CKAP2L: variants seen among roughly 807,000 people sequenced by gnomAD.
CKAP2L encodes the protein cytoskeleton-associated protein 2-like.
Under a neutral mutation model 65.7 loss-of-function variants are expected in CKAP2L, and 42 were observed. That is an observed-to-expected ratio of 0.64 (90% confidence interval 0.50 to 0.83). The LOEUF is 0.83. Among genes scored for constraint, CKAP2L ranks in the 40% least tolerant of loss-of-function variants. The pLI, the probability that CKAP2L is intolerant of heterozygous loss-of-function variation, is 0.00. For synonymous variants in CKAP2L, 325 were observed against 313.5 expected, an observed-to-expected ratio of 1.04 and a Z score of -0.39; for missense variants, 908 against 871.0, an observed-to-expected ratio of 1.04 and a Z score of -0.53.
chr2:112,751,578 A>G (rs1392079302), intron 5 of CKAP2L, among the ~76,000 whole-genome samples: 2 of 152,242 alleles, frequency 1.3e-5, no homozygotes, highest in African/African-American at 4.8e-5. Context: ...ACAAGGAGAA[A>G]TAGTTAATAT....
At chr2:112,743,049 T>A (rs116695276) in intron 6 of CKAP2L, among the ~76,000 whole-genome samples, 1 of 152,212 alleles carries the variant, frequency 6.6e-6, no homozygotes, top group Non-Finnish European at 1.5e-5. Context: ...TATTTTCCTA[T>A]TGATTTGTAT....
chr2:112,756,222 A>T lies in CKAP2L; in HGVS notation c.1149T>A (p.Val383=). ...TTGGAATGGCTGAATTAAATCTGCCAACTGTCAAATTAGGCCTCTGGCTTA... is the reference window on the plus strand; with the variant it reads ...TTGGAATGGCTGAATTAAATCTGCCTACTGTCAAATTAGGCCTCTGGCTTA... ...KAISQRPNLT[V]GRFNSAIPST... The change falls in exon 4 of 9, where the codon GTT becomes GTA. Residue 383 remains valine (V), a synonymous_variant. Coordinates refer to ENST00000302450, the MANE Select transcript of CKAP2L (RefSeq NM_152515.5). The T allele has an allele frequency of 6.2e-7, 1 of 1,614,200 alleles. No homozygotes were observed. Among genetic ancestry groups the T allele is most frequent in the Non-Finnish European group, 8.5e-7 (1 of 1,180,032 alleles).
At chr2:112,745,569 G>T (rs536562801) in intron 6 of CKAP2L, among the ~76,000 whole-genome samples, 1 of 152,190 alleles carries the variant, frequency 6.6e-6, no homozygotes, top group South Asian at 2.1e-4. Flanking sequence ...TTTTAGTAGA[G>T]ATGGGGTTTC....
intron 6 of CKAP2L, among the ~76,000 whole-genome samples, chr2:112,743,388 C>T (rs1006122067): frequency 6.6e-5 from 10 of 152,044 alleles, no homozygotes; most frequent in Non-Finnish European, 1.3e-4. Flanking sequence ...GTGATCCACC[C>T]GCCTCGGCCT....
At chr2:112,745,109 C>T (rs1001861315) in intron 6 of CKAP2L, among the ~76,000 whole-genome samples, 8 of 151,958 alleles carry the variant, frequency 5.3e-5, no homozygotes, top group South Asian at 4.2e-4. Flanking sequence ...CTGGTGAAGA[C>T]GGCAGTAAAA....
intron 8 of CKAP2L, among the ~76,000 whole-genome samples, chr2:112,739,542 A>G (rs189688939): frequency 6.9e-4 from 105 of 152,342 alleles, no homozygotes; most frequent in African/African-American, 2.4e-3. Flanking sequence ...TTGAAGTCAA[A>G]TATTTGGCAG....
At chr2:112,762,192 G>A (rs1680742860) in intron 2 of CKAP2L, among the ~76,000 whole-genome samples, 1 of 152,134 alleles carries the variant, frequency 6.6e-6, no homozygotes, top group Non-Finnish European at 1.5e-5. Context: ...CTGCCTTCAT[G>A]AGAATCAACT....
chr2:112,763,414 C>G (rs896863459), intron 1 of CKAP2L, among the ~76,000 whole-genome samples: 1 of 152,146 alleles, frequency 6.6e-6, no homozygotes, highest in South Asian at 2.1e-4. Flanking sequence ...TACGCCCGGT[C>G]TGCTCACGGC....
Position 112,738,409 on chromosome 2 carries a change from C to G in CKAP2L, c.*414G>C, listed in dbSNP as rs977736499. 1.1e-5 allele frequency: 2 copies of G among 177,866 alleles called. No homozygotes were observed. Among genetic ancestry groups the G allele is most frequent in the African/African-American group, 4.8e-5 (2 of 41,694 alleles). 11.0% of individuals were successfully genotyped at this position (177,866 alleles called of 1,614,324 possible). A position where few individuals can be genotyped will look rare whatever the true frequency, so the allele number is the denominator to read the frequency against. On this transcript the variant is annotated 3_prime_UTR_variant, in exon 9 of 9. Transcript: ENST00000302450. ...ATCTGTCAAGGTCCATTCAGCCTGT[C>G]AAGCTAGCGTCAAAGTTCAGATCTT...
intron 4 of CKAP2L, among the ~76,000 whole-genome samples, chr2:112,754,148 G>A (rs1250473214): frequency 1.3e-5 from 2 of 152,178 alleles, no homozygotes. Context: ...CTATAAGATG[G>A]TTGCAACACT....
In CKAP2L at chr2:112,738,370, G is replaced by GT. The variant is rs1252851448; in HGVS notation, c.*452dup. 6.2e-6 allele frequency: 1 copy of GT among 161,676 alleles called. No homozygotes were observed. The highest frequency in any genetic ancestry group is 2.4e-5 in the African/African-American group (1 of 41,514). 10.0% of individuals were successfully genotyped at this position (161,676 alleles called of 1,614,324 possible). On this transcript the variant is annotated 3_prime_UTR_variant, in exon 9 of 9. Transcript: ENST00000302450. ...CATAAACTCATCTGTAAAATGAGGG[G>GT]TTTTGACTTGGCCATCTGTCAAGGT...
chr2:112,751,435 T>C (rs17042329), intron 5 of CKAP2L, among the ~76,000 whole-genome samples: 5,786 of 152,254 alleles, frequency 0.038, 375 homozygotes, highest in African/African-American at 0.13. Context: ...CCTAAGTATG[T>C]ATGTTTGTAG....
chr2:112,753,153 C>T (rs1680429758), intron 4 of CKAP2L, among the ~76,000 whole-genome samples: 1 of 152,196 alleles, frequency 6.6e-6, no homozygotes, highest in Non-Finnish European at 1.5e-5. Flanking sequence ...ATTACAACTA[C>T]ATATTAATAA....
chr2:112,746,514 G>A lies in CKAP2L; in HGVS notation c.1664C>T (p.Ala555Val). Residue 555 changes from alanine (A) to valine (V), a missense_variant, in exon 6 of 9, where the codon GCT becomes GTT. Transcript: ENST00000302450. The stretch of plus-strand genomic sequence containing the variant: ...CTTTGCTTTGCAGATCCAGAATTTA[G>A]CAAATTTTTCAGCTTCAGGAATGCT... The part of the protein sequence containing the change: ...LSSIPEAEKF[A>V]KFWICKAKLL... 2 of 1,613,146 alleles carry A rather than the reference G, an allele frequency of 1.2e-6. No homozygotes were observed. Among genetic ancestry groups the A allele is most frequent in the Non-Finnish European group, 1.7e-6 (2 of 1,179,374 alleles).
intron 3 of CKAP2L, among the ~76,000 whole-genome samples, chr2:112,758,960 T>C (rs1680628554): frequency 6.6e-6 from 1 of 152,226 alleles, no homozygotes. Flanking sequence ...TGTCTATAGA[T>C]GTGCCTATTT....
chr2:112,751,215 TACTCA>T (rs1418479447), intron 5 of CKAP2L, among the ~76,000 whole-genome samples: 1 of 152,138 alleles, frequency 6.6e-6, no homozygotes, highest in Non-Finnish European at 1.5e-5. Context: ...AAAAGGAAAA[TACTCA>T]ACTCATCTGC....
chr2:112,740,587 C>A (rs72950392), intron 8 of CKAP2L, among the ~76,000 whole-genome samples: 2,205 of 152,210 alleles, frequency 0.014, 50 homozygotes, highest in African/African-American at 0.051. Context: ...CCAGCTGTGT[C>A]AGGACTTGCA....
intron 7 of CKAP2L, among the ~76,000 whole-genome samples, chr2:112,742,070 G>A (rs541800020): frequency 1.3e-5 from 2 of 151,124 alleles, no homozygotes; most frequent in East Asian, 2.0e-4. Context: ...GATTACAGGC[G>A]TGAGCTACCG....
intron 4 of CKAP2L, among the ~76,000 whole-genome samples, chr2:112,754,436 T>A (rs1558760690): frequency 6.6e-6 from 1 of 152,244 alleles, no homozygotes; most frequent in Non-Finnish European, 1.5e-5. Flanking sequence ...TTCCTCCATG[T>A]TCCTAGCATT....
Sources: gnomAD v4.1 joint callset for allele counts (sites outside exome capture counted in the v4.1 genomes callset) on GRCh38, gnomAD v4.1.1 for gene constraint, MANE v1.5 for transcripts, NCBI Gene and HGNC (gene_info 2026-07-23, HGNC 2026-07-21) for gene names.